HS6ST3: variants seen among roughly 807,000 people sequenced by gnomAD.
HS6ST3 encodes heparan-sulfate 6-O-sulfotransferase 3.
In HS6ST3, 12 loss-of-function variants were observed where a neutral mutation model predicts 36.7. That is an observed-to-expected ratio of 0.33 (90% confidence interval 0.21 to 0.53). The LOEUF (loss-of-function observed/expected upper bound fraction) is 0.53. Ranked by LOEUF, HS6ST3 falls within the 20% of genes least tolerant of loss-of-function variation. HS6ST3 has a pLI of 0.95. For synonymous variants in HS6ST3, 240 were observed against 257.5 expected (o/e 0.93, Z 0.65); for missense variants, 584 against 640.9 (o/e 0.91, Z 0.96).
intron 1 of HS6ST3, among the ~76,000 whole-genome samples, chr13:96,771,465 CAGAT>C (rs1186879869): frequency 6.6e-6 from 1 of 151,744 alleles, no homozygotes; most frequent in Non-Finnish European, 1.5e-5. Context: ...ACAGGGAAAC[CAGAT>C]AAGCATTCTA....
chr13:96,551,591 G>C (rs1314292542), intron 1 of HS6ST3, among the ~76,000 whole-genome samples: 1 of 152,114 alleles, frequency 6.6e-6, no homozygotes, highest in Non-Finnish European at 1.5e-5. Flanking sequence ...AACAAATAAA[G>C]ACACTGTCAT....
intron 1 of HS6ST3, among the ~76,000 whole-genome samples, chr13:96,657,969 G>GT (rs2056631444): frequency 6.6e-6 from 1 of 152,122 alleles, no homozygotes; most frequent in African/African-American, 2.4e-5. Flanking sequence ...GCAGTTACAT[G>GT]TAAGTGTCAC....
At chr13:96,324,329 C>T (rs992853115) in intron 1 of HS6ST3, among the ~76,000 whole-genome samples, 5 of 152,114 alleles carry the variant, frequency 3.3e-5, no homozygotes, top group African/African-American at 1.2e-4. Flanking sequence ...TGATCTCCAG[C>T]ACACCCGGAG....
chr13:96,323,860 C>T (rs1367964206), intron 1 of HS6ST3, among the ~76,000 whole-genome samples: 1 of 152,140 alleles, frequency 6.6e-6, no homozygotes, highest in Non-Finnish European at 1.5e-5. Flanking sequence ...TTCATAAGGG[C>T]AGGAATTTTT....
intron 1 of HS6ST3, among the ~76,000 whole-genome samples, chr13:96,506,861 C>A (rs1275521222): frequency 6.6e-6 from 1 of 152,124 alleles, no homozygotes; most frequent in Admixed American, 6.6e-5. Context: ...TTAGATACAG[C>A]TGTACCTGAT....
chr13:96,672,170 C>A (rs2056684783), intron 1 of HS6ST3, among the ~76,000 whole-genome samples: 1 of 152,046 alleles, frequency 6.6e-6, no homozygotes, highest in Admixed American at 6.6e-5. Flanking sequence ...TCTCTTGTGT[C>A]TTCTTATACA....
At chr13:96,157,145 C>T (rs970710486) in intron 1 of HS6ST3, among the ~76,000 whole-genome samples, 1 of 152,166 alleles carries the variant, frequency 6.6e-6, no homozygotes, top group Non-Finnish European at 1.5e-5. Context: ...GGTCTTTAAT[C>T]GCTAACCTAC....
At chr13:96,745,537 A>G (rs903289019) in intron 1 of HS6ST3, among the ~76,000 whole-genome samples, 5 of 152,098 alleles carry the variant, frequency 3.3e-5, no homozygotes, top group Non-Finnish European at 5.9e-5. Flanking sequence ...CATTTCAGCA[A>G]TGTACCAGAA....
chr13:96,113,069 G>GGT (rs2139301453), intron 1 of HS6ST3, among the ~76,000 whole-genome samples: 1 of 152,198 alleles, frequency 6.6e-6, no homozygotes, highest in South Asian at 2.1e-4. Context: ...CTGCCCTCAT[G>GGT]GTGTGTGTGG....
chr13:96,414,920 C>G (rs2055525758), intron 1 of HS6ST3, among the ~76,000 whole-genome samples: 1 of 152,104 alleles, frequency 6.6e-6, no homozygotes, highest in Non-Finnish European at 1.5e-5. Flanking sequence ...TGGAGCCTTT[C>G]TCAGAATTCT....
intron 1 of HS6ST3, among the ~76,000 whole-genome samples, chr13:96,564,142 A>C (rs576821958): frequency 2.5e-4 from 38 of 152,316 alleles, no homozygotes; most frequent in African/African-American, 9.1e-4. Flanking sequence ...GCATTTTGAA[A>C]GTTTCCACAG....
Position 96,719,872 on chromosome 13 carries a change from T to C in HS6ST3, c.708-112618T>C, listed in dbSNP as rs1197407305. Among the ~76,000 whole-genome samples, 13 of 152,326 alleles carry C rather than the reference T, an allele frequency of 8.5e-5. No homozygotes were observed. In the East Asian group the frequency reaches 2.3e-3, roughly 27 times the overall value. ...TGCCTTGAGAGCCCTGTCTCCCTAA[T>C]GTGTTCATTTCTTCCTGTCTCTTCT... On this transcript the variant is annotated intron_variant, in intron 1 of 1. Coordinates refer to ENST00000376705, the MANE Select transcript of HS6ST3 (RefSeq NM_153456.4).
At position 96,171,527 on chromosome 13, in the gene HS6ST3, C is replaced by G. The variant is rs545998266; in HGVS notation, c.707+79958C>G. ...ACAATATTCTTCTCCCAGTGGGACCCAGCCAATCTCATACTATATTTGAAC... is the reference window on the plus strand; with the variant it reads ...ACAATATTCTTCTCCCAGTGGGACCGAGCCAATCTCATACTATATTTGAAC... On this transcript the variant is annotated intron_variant, in intron 1 of 1. Transcript: ENST00000376705. 1.1e-3 allele frequency among the ~76,000 whole-genome samples: 168 copies of G among 152,272 alleles called. 1 individual carries two copies. Among genetic ancestry groups the G allele is most frequent in the African/African-American group, 3.0e-3 (124 of 41,544 alleles).
At chr13:96,343,126 A>G (rs1032019054) in intron 1 of HS6ST3, among the ~76,000 whole-genome samples, 2 of 152,356 alleles carry the variant, frequency 1.3e-5, no homozygotes, top group Admixed American at 1.3e-4. Flanking sequence ...TCATTAGTCT[A>G]TGCTTTTTCT....
At chr13:96,229,983 C>T (rs9516643) in intron 1 of HS6ST3, among the ~76,000 whole-genome samples, 53,744 of 151,974 alleles carry the variant, frequency 0.35, 10,755 homozygotes, top group Non-Finnish European at 0.46. Flanking sequence ...ACAGTACATG[C>T]GGAGTTAGGA....
At chr13:96,689,606 C>CTTTTTT (rs34000071) in intron 1 of HS6ST3, among the ~76,000 whole-genome samples, 4,340 of 101,122 alleles carry the variant, frequency 0.043, 261 homozygotes, top group African/African-American at 0.098. Context: ...TTCTTTCTTT[C>CTTTTTT]TTTTTTTTTT....
chr13:96,651,665 A>C (rs912190867), intron 1 of HS6ST3, among the ~76,000 whole-genome samples: 1 of 152,058 alleles, frequency 6.6e-6, no homozygotes, highest in Non-Finnish European at 1.5e-5. Flanking sequence ...CCCACCTTGG[A>C]CCAGATCATA....
At chr13:96,377,141 G>A (rs1230153573) in intron 1 of HS6ST3, among the ~76,000 whole-genome samples, 1 of 150,732 alleles carries the variant, frequency 6.6e-6, no homozygotes, top group Non-Finnish European at 1.5e-5. Context: ...GAGGTGGGAG[G>A]ATTACTTGAG....
intron 1 of HS6ST3, among the ~76,000 whole-genome samples, chr13:96,572,517 T>C (rs2056304368): frequency 6.6e-6 from 1 of 152,202 alleles, no homozygotes; most frequent in African/African-American, 2.4e-5. Flanking sequence ...CTACAGTAGA[T>C]ATATCTGGCA....
Sources: gnomAD v4.1 joint callset for allele counts (sites outside exome capture counted in the v4.1 genomes callset) on GRCh38, gnomAD v4.1.1 for gene constraint, MANE v1.5 for transcripts, NCBI Gene and HGNC (gene_info 2026-07-23, HGNC 2026-07-21) for gene names.